Variants in RBBP4 observed in about 807,000 individuals in gnomAD.
RBBP4 encodes the protein RB binding protein 4, chromatin remodeling factor, also known as histone-binding protein RBBP4.
In RBBP4, 3 loss-of-function variants were observed where a neutral mutation model predicts 57.2. The observed-to-expected ratio is 0.05, with a 90% CI of 0.02 to 0.14. RBBP4 has a LOEUF of 0.14. Among genes scored for constraint, RBBP4 ranks in the 10% least tolerant of loss-of-function variants. The pLI, the probability that RBBP4 is intolerant of heterozygous loss-of-function variation, is 1.00. For missense variants in RBBP4, 107 were observed against 520.6 expected, an observed-to-expected ratio of 0.21 and a Z score of 7.73; for synonymous variants, 151 against 171.5, an observed-to-expected ratio of 0.88 and a Z score of 0.93.
At chr1:32,668,135 G>GA (rs1230615110) in intron 3 of RBBP4, 90 bp from the exon 4 acceptor site, 47 of 1,261,016 alleles carry the variant, frequency 3.7e-5, no homozygotes, top group East Asian at 1.5e-4. Context: ...TGTTGCTAAG[G>GA]AAAAAAAATC....
chr1:32,672,144 C>T (rs1192657123), intron 8 of RBBP4, among the ~76,000 whole-genome samples: 1 of 152,002 alleles, frequency 6.6e-6, no homozygotes, highest in Non-Finnish European at 1.5e-5. Context: ...CGCCTGCCAC[C>T]ACACCCAGCT....
intron 11 of RBBP4, among the ~76,000 whole-genome samples, chr1:32,678,469 C>G (rs1085458): frequency 2.0e-5 from 3 of 151,860 alleles, no homozygotes; most frequent in Non-Finnish European, 4.4e-5. Flanking sequence ...TCAGGTGATA[C>G]GCCTGCCTTG....
At chr1:32,661,542 C>T (rs1648410139) in intron 3 of RBBP4, among the ~76,000 whole-genome samples, 1 of 152,004 alleles carries the variant, frequency 6.6e-6, no homozygotes, top group South Asian at 2.1e-4. Flanking sequence ...GATCCACCTG[C>T]GTCAGCCTCC....
intron 5 of RBBP4, 36 bp downstream of exon 5, chr1:32,668,890 T>C: frequency 1.9e-6 from 3 of 1,612,434 alleles, no homozygotes; most frequent in Admixed American, 3.3e-5. Flanking sequence ...AAATCTGGGC[T>C]AGTTACCAGT....
At position 32,680,766 on chromosome 1, in the gene RBBP4, G is replaced by A; in HGVS notation, c.*1061G>A. The A allele has an allele frequency of 2.0e-6, 1 of 496,326 alleles. No individual in the cohort carries two copies. The highest frequency in any genetic ancestry group is 3.6e-6 in the Non-Finnish European group (1 of 276,932). The allele number at this position is 496,326 out of a possible 1,614,324, so 30.7% of individuals were successfully genotyped here. ...TGTCCATGGTCTTTGACTATCAAGA[G>A]CAGAATTAAATGTAATAGTCCCAGA... On this transcript the variant is annotated 3_prime_UTR_variant, in exon 12 of 12. Coordinates refer to ENST00000373493, the MANE Select transcript of RBBP4 (RefSeq NM_005610.3).
In RBBP4 at chr1:32,680,593, G is replaced by C; in HGVS notation, c.*888G>C. 6.8e-7 allele frequency: 1 copy of C among 1,469,408 alleles called. No homozygotes were observed. The highest frequency in any genetic ancestry group is 9.3e-7 in the Non-Finnish European group (1 of 1,077,032). 91.0% of individuals were successfully genotyped at this position (1,469,408 alleles called of 1,614,324 possible). On this transcript the variant is annotated 3_prime_UTR_variant, in exon 12 of 12. Coordinates refer to ENST00000373493, the MANE Select transcript of RBBP4 (RefSeq NM_005610.3). ...GGTGACCTGTTTCACCAGCAGGCCT[G>C]TTACTCTCCATGACTAACTGTGTAA...
chr1:32,652,965 T>C (rs1647950098), intron 2 of RBBP4, among the ~76,000 whole-genome samples: 1 of 152,100 alleles, frequency 6.6e-6, no homozygotes, highest in Non-Finnish European at 1.5e-5. Context: ...GTGACAGCAG[T>C]TGTAGAGAGA....
intron 8 of RBBP4, among the ~76,000 whole-genome samples, chr1:32,670,447 G>A (rs1389793789): frequency 6.6e-6 from 1 of 152,076 alleles, no homozygotes; most frequent in Non-Finnish European, 1.5e-5. Context: ...TATCGCCCAG[G>A]TCTGATTGCA....
rs1052626399 is a variant in RBBP4 at position 32,669,840 on chromosome 1, G to A, written c.966+277G>A. Among the ~76,000 whole-genome samples the A allele has an allele frequency of 3.3e-5, 5 of 152,106 alleles. No homozygotes were observed. Among genetic ancestry groups the A allele is most frequent in the Non-Finnish European group, 7.4e-5 (5 of 68,024 alleles). ...CGGGAGGCAGAGGTTGCAGTGAGCC[G>A]AGATTGTGCCACTGCACTCTAGCCT... On this transcript the variant is annotated intron_variant, in intron 8 of 11. Transcript: ENST00000373493. The surrounding 1 kb of genome is among the most constrained non-coding windows in gnomAD (Gnocchi z 4.9).
At chr1:32,667,413 A>C (rs1020721635) in intron 3 of RBBP4, among the ~76,000 whole-genome samples, 4 of 151,930 alleles carry the variant, frequency 2.6e-5, no homozygotes, top group African/African-American at 9.7e-5. Flanking sequence ...GACTTGCTTG[A>C]CCTTATCAAT....
chr1:32,680,078 G>C lies in RBBP4; in HGVS notation c.*373G>C. On this transcript the variant is annotated 3_prime_UTR_variant, in exon 12 of 12. Coordinates refer to ENST00000373493, the MANE Select transcript of RBBP4 (RefSeq NM_005610.3). ...AGAGCCAAATGAGGTAGGTGTCTGA[G>C]CCATGAAGTATAAATACTGAAAGAT... 1 of 1,070,336 alleles carries C rather than the reference G, an allele frequency of 9.3e-7. No individual in the cohort carries two copies. The highest frequency in any genetic ancestry group is 1.1e-6 in the Non-Finnish European group (1 of 886,004). The allele number at this position is 1,070,336 out of a possible 1,614,324, so 66.3% of individuals were successfully genotyped here.
Position 32,684,166 on chromosome 1 carries a change from T to G in RBBP4, c.*4461T>G. On this transcript the variant is annotated 3_prime_UTR_variant, in exon 12 of 12. Coordinates refer to ENST00000373493, the MANE Select transcript of RBBP4 (RefSeq NM_005610.3). ...AAAATCATTTCCCAAATCCTCTTTT[T>G]GTTTTTGATTCTAAGGTAAAATTTT... is the stretch of plus-strand genomic sequence containing the variant. 1 of 1,606,126 alleles carries G rather than the reference T, an allele frequency of 6.2e-7. No individual in the cohort carries two copies. The highest frequency in any genetic ancestry group is 8.5e-7 in the Non-Finnish European group (1 of 1,175,136).
At chr1:32,679,125 C>T (rs1649261890) in intron 11 of RBBP4, among the ~76,000 whole-genome samples, 1 of 151,996 alleles carries the variant, frequency 6.6e-6, no homozygotes, top group Non-Finnish European at 1.5e-5. Context: ...GGTGAAACCC[C>T]ATCTCTATTA....
intron 3 of RBBP4, among the ~76,000 whole-genome samples, chr1:32,661,617 T>G (rs929950411): frequency 2.6e-5 from 4 of 151,988 alleles, no homozygotes; most frequent in Non-Finnish European, 5.9e-5. Flanking sequence ...TTGAGAAATC[T>G]CCACAGACTG....
intron 3 of RBBP4, among the ~76,000 whole-genome samples, chr1:32,665,009 C>T (rs1284488745): frequency 1.3e-5 from 2 of 152,100 alleles, no homozygotes; most frequent in South Asian, 2.1e-4. Flanking sequence ...CACAGAGGCA[C>T]CAACTGAACA....
At chr1:32,674,783 A>G (rs951136982) in intron 11 of RBBP4, among the ~76,000 whole-genome samples, 1 of 150,266 alleles carries the variant, frequency 6.7e-6, no homozygotes, top group Non-Finnish European at 1.5e-5. Context: ...GCTGGAGTTC[A>G]GTAGAGCAAT....
Position 32,681,814 on chromosome 1 carries a change from T to C in RBBP4, c.*2109T>C, listed in dbSNP as rs2148539280. On this transcript the variant is annotated 3_prime_UTR_variant, in exon 12 of 12. Coordinates refer to ENST00000373493, the MANE Select transcript of RBBP4 (RefSeq NM_005610.3). ...TAGTGATCCTTTGCTAAGAAGTTTT[T>C]TGCTGTTTCCGGGTTACAGATTTGG... is the stretch of plus-strand genomic sequence containing the variant. 6.2e-7 allele frequency: 1 copy of C among 1,614,188 alleles called. No individual in the cohort carries two copies. The highest frequency in any genetic ancestry group is 2.2e-5 in the East Asian group (1 of 44,886).
In RBBP4 at chr1:32,679,825, C is replaced by T. The variant is rs762165637; in HGVS notation, c.*120C>T. On this transcript the variant is annotated 3_prime_UTR_variant, in exon 12 of 12. Transcript: ENST00000373493. Reference sequence around the variant, plus strand: ...TATCCCTCTATATAATAGGTACCACCGATAATGCTATTAGCCCAAACCGTG... The same window carrying T: ...TATCCCTCTATATAATAGGTACCACTGATAATGCTATTAGCCCAAACCGTG... 1.1e-5 allele frequency: 16 copies of T among 1,456,680 alleles called. No individual in the cohort carries two copies. The highest frequency in any genetic ancestry group is 4.1e-4 in the Middle Eastern group (2 of 4,856). 90.2% of individuals were successfully genotyped at this position (1,456,680 alleles called of 1,614,324 possible).
chr1:32,652,865 A>G (rs1338224656), intron 2 of RBBP4, among the ~76,000 whole-genome samples: 1 of 152,196 alleles, frequency 6.6e-6, no homozygotes, highest in Non-Finnish European at 1.5e-5. Flanking sequence ...CTTAATTTGA[A>G]TTCTCGTAGT....
Sources: gnomAD v4.1 joint callset for allele counts (sites outside exome capture counted in the v4.1 genomes callset) on GRCh38, gnomAD v4.1.1 for gene constraint, Gnocchi (gnomAD v3.1) non-coding constraint, MANE v1.5 for transcripts, NCBI Gene and HGNC (gene_info 2026-07-23, HGNC 2026-07-21) for gene names.